SLC5A3: variants seen among roughly 807,000 people sequenced by gnomAD.
SLC5A3 encodes solute carrier family 5 member 3, also known as sodium/myo-inositol cotransporter.
In SLC5A3, 10 loss-of-function variants were observed where a neutral mutation model predicts 43.2. The observed-to-expected ratio is 0.23, with a 90% CI of 0.14 to 0.39. The LOEUF is 0.39. Among genes scored for constraint, SLC5A3 ranks in the 10% least tolerant of loss-of-function variants. SLC5A3 has a pLI of 1.00. For synonymous variants in SLC5A3, 349 were observed against 322.0 expected, an observed-to-expected ratio of 1.08 and a Z score of -0.90; for missense variants, 608 against 893.4, an observed-to-expected ratio of 0.68 and a Z score of 4.07.
chr21:34,074,038 C>T (rs1383989166), intron 1 of SLC5A3, among the ~76,000 whole-genome samples: 2 of 145,952 alleles, frequency 1.4e-5, no homozygotes, highest in Non-Finnish European at 3.0e-5. Flanking sequence ...CGAGCGGGCC[C>T]CGACCCCGAT....
rs1979228101 is a variant in SLC5A3, at chr21:34,101,325, T to C, written c.*3970T>C. The C allele has an allele frequency of 3.0e-6, 3 of 1,000,242 alleles. No individual in the cohort carries two copies. Among genetic ancestry groups the C allele is most frequent in the Non-Finnish European group, 3.6e-6 (3 of 829,958 alleles). The allele number at this position is 1,000,242 out of a possible 1,614,324, so 62.0% of individuals were successfully genotyped here. A position where few individuals can be genotyped will look rare whatever the true frequency, so the allele number is the denominator to read the frequency against. On this transcript the variant is annotated 3_prime_UTR_variant, in exon 2 of 2. Coordinates refer to ENST00000381151, the MANE Select transcript of SLC5A3 (RefSeq NM_006933.7). ...GGGCACCAATAAATAAGTTTCAGCT[T>C]TTTAAACCCTGGTTTGATGTTAAGC...
chr21:34,075,764 AAC>A (rs1989315259), intron 1 of SLC5A3, among the ~76,000 whole-genome samples: 1 of 152,252 alleles, frequency 6.6e-6, no homozygotes, highest in African/African-American at 2.4e-5. Flanking sequence ...ATGTGGCACA[AAC>A]ACAAAGACTT....
At chr21:34,093,953 T>C (rs1457190429) in intron 1 of SLC5A3, among the ~76,000 whole-genome samples, 4 of 152,180 alleles carry the variant, frequency 2.6e-5, no homozygotes, top group Non-Finnish European at 4.4e-5. Context: ...CTGAAAACTT[T>C]TCTCCTCCTC....
rs1345987189 is a variant in SLC5A3 at position 34,098,444 on chromosome 21, C to T, written c.*1089C>T. ...TTTAATTCTGATATCTTATTGCATC[C>T]TTGATAAGTTTTTCCCTGATTTTTT... On this transcript the variant is annotated 3_prime_UTR_variant, in exon 2 of 2. Coordinates refer to ENST00000381151, the MANE Select transcript of SLC5A3 (RefSeq NM_006933.7). 2 of 999,684 alleles carry T rather than the reference C, an allele frequency of 2.0e-6. No individual in the cohort carries two copies. The highest frequency in any genetic ancestry group is 2.4e-6 in the Non-Finnish European group (2 of 829,768). The allele number at this position is 999,684 out of a possible 1,614,324, so 61.9% of individuals were successfully genotyped here.
rs769996523 is a variant in SLC5A3 at position 34,102,341 on chromosome 21, C to G, written c.*4986C>G. 1.0e-5 allele frequency: 10 copies of G among 999,284 alleles called. No individual in the cohort carries two copies. The highest frequency in any genetic ancestry group is 1.2e-5 in the Non-Finnish European group (10 of 829,328). The allele number at this position is 999,284 out of a possible 1,614,324, so 61.9% of individuals were successfully genotyped here. A position where few individuals can be genotyped will look rare whatever the true frequency, so the allele number is the denominator to read the frequency against. ...AATAAGGCTTTAAATTACTGATTCA[C>G]CTTTAAAGGAATGTTGTGAGAATTG... On this transcript the variant is annotated 3_prime_UTR_variant, in exon 2 of 2. Coordinates refer to ENST00000381151, the MANE Select transcript of SLC5A3 (RefSeq NM_006933.7).
intron 1 of SLC5A3, among the ~76,000 whole-genome samples, chr21:34,094,237 G>T (rs975248324): frequency 7.9e-5 from 12 of 152,090 alleles, no homozygotes; most frequent in Admixed American, 7.9e-4. Flanking sequence ...AGGGCAGGGG[G>T]CGTCTCACAA....
At chr21:34,091,016 G>A (rs1231716178) in intron 1 of SLC5A3, among the ~76,000 whole-genome samples, 1 of 18,928 alleles carries the variant, frequency 5.3e-5, no homozygotes, top group Non-Finnish European at 9.7e-5. Flanking sequence ...AAAAGTGATT[G>A]TAATTCAGGT....
At chr21:34,074,455 C>T (rs1989274334) in intron 1 of SLC5A3, among the ~76,000 whole-genome samples, 1 of 152,214 alleles carries the variant, frequency 6.6e-6, no homozygotes, top group African/African-American at 2.4e-5. Flanking sequence ...CTTTCTTCCC[C>T]CTGCTTTTGA....
chr21:34,089,486 T>TA (rs1978570454), intron 1 of SLC5A3, among the ~76,000 whole-genome samples: 2 of 152,172 alleles, frequency 1.3e-5, no homozygotes, highest in South Asian at 2.1e-4. Flanking sequence ...GAGATTTCTA[T>TA]AAAAAAATTC....
rs1221016564 is a variant in SLC5A3 at position 34,101,358 on chromosome 21, A to G, written c.*4003A>G. 2 of 1,000,182 alleles carry G rather than the reference A, an allele frequency of 2.0e-6. No individual in the cohort carries two copies. The highest frequency in any genetic ancestry group is 2.4e-6 in the Non-Finnish European group (2 of 829,922). The allele number at this position is 1,000,182 out of a possible 1,614,324, so 62.0% of individuals were successfully genotyped here. A position where few individuals can be genotyped will look rare whatever the true frequency, so the allele number is the denominator to read the frequency against. On this transcript the variant is annotated 3_prime_UTR_variant, in exon 2 of 2. Coordinates refer to ENST00000381151, the MANE Select transcript of SLC5A3 (RefSeq NM_006933.7). The stretch of plus-strand genomic sequence containing the variant: ...CCTGGTTTGATGTTAAGCATTATAA[A>G]GTACGAAGTTTGTTACCACAGTAGA...
At chr21:34,085,999 T>C (rs1183405710) in intron 1 of SLC5A3, among the ~76,000 whole-genome samples, 1 of 152,238 alleles carries the variant, frequency 6.6e-6, no homozygotes, top group Non-Finnish European at 1.5e-5. Flanking sequence ...TTGTCAAAAG[T>C]GTCTGTCTAC....
Position 34,097,915 on chromosome 21 carries a change from A to G in SLC5A3, c.*560A>G. 2.0e-6 allele frequency: 2 copies of G among 997,292 alleles called. No individual in the cohort carries two copies. Among genetic ancestry groups the G allele is most frequent in the Non-Finnish European group, 2.4e-6 (2 of 827,330 alleles). The allele number at this position is 997,292 out of a possible 1,614,324, so 61.8% of individuals were successfully genotyped here. A position where few individuals can be genotyped will look rare whatever the true frequency, so the allele number is the denominator to read the frequency against. On this transcript the variant is annotated 3_prime_UTR_variant, in exon 2 of 2. Transcript: ENST00000381151. ...ATGAGCCTACGGATTCTGATTTCCCAAAGAAAGAATGTTTTCCTGTAGGTA... is the reference window on the plus strand; with the variant it reads ...ATGAGCCTACGGATTCTGATTTCCCGAAGAAAGAATGTTTTCCTGTAGGTA...
At position 34,098,171 on chromosome 21, in the gene SLC5A3, G is replaced by C. The variant is rs527477842; in HGVS notation, c.*816G>C. The C allele has an allele frequency of 1.0e-6, 1 of 999,824 alleles. No individual in the cohort carries two copies. The highest frequency in any genetic ancestry group is 4.7e-5 in the South Asian group (1 of 21,278). 61.9% of individuals were successfully genotyped at this position (999,824 alleles called of 1,614,324 possible). A position where few individuals can be genotyped will look rare whatever the true frequency, so the allele number is the denominator to read the frequency against. On this transcript the variant is annotated 3_prime_UTR_variant, in exon 2 of 2. Coordinates refer to ENST00000381151, the MANE Select transcript of SLC5A3 (RefSeq NM_006933.7). ...CATATTAAGGTTGTTTATATAGTTT[G>C]GAAATGACCAGCCCCCTAAGCAGTG... is the stretch of plus-strand genomic sequence containing the variant.
chr21:34,104,592 A>G lies in SLC5A3; in HGVS notation c.*7237A>G. On this transcript the variant is annotated 3_prime_UTR_variant, in exon 2 of 2. Transcript: ENST00000381151. The stretch of plus-strand genomic sequence containing the variant: ...GTAGACTAATATGAGATGTTTTAGA[A>G]GAGTTAACCTGAACACTTTGAGGGA... The G allele has an allele frequency of 1.0e-6, 1 of 1,000,072 alleles. No individual in the cohort carries two copies. The highest frequency in any genetic ancestry group is 1.2e-6 in the Non-Finnish European group (1 of 829,860). The allele number at this position is 1,000,072 out of a possible 1,614,324, so 61.9% of individuals were successfully genotyped here.
Position 34,100,404 on chromosome 21 carries a change from C to A in SLC5A3, c.*3049C>A. ...AAACACTTGAGCCGATTTCTTCTTC[C>A]CCAGCTATTCTTTCCTGGGGGTAAT... On this transcript the variant is annotated 3_prime_UTR_variant, in exon 2 of 2. Coordinates refer to ENST00000381151, the MANE Select transcript of SLC5A3 (RefSeq NM_006933.7). 3.0e-6 allele frequency: 3 copies of A among 1,000,134 alleles called. No homozygotes were observed. The highest frequency in any genetic ancestry group is 2.4e-6 in the Non-Finnish European group (2 of 829,960). The allele number at this position is 1,000,134 out of a possible 1,614,324, so 62.0% of individuals were successfully genotyped here.
In SLC5A3 at chr21:34,101,076, C is replaced by A. The variant is rs1602936416; in HGVS notation, c.*3721C>A. ...TAGAGAGATGTATACAAGACCTTTC[C>A]TGTTAAATTACGTGACTACAGAGAC... is the stretch of plus-strand genomic sequence containing the variant. On this transcript the variant is annotated 3_prime_UTR_variant, in exon 2 of 2. Transcript: ENST00000381151. The A allele has an allele frequency of 1.0e-6, 1 of 1,000,088 alleles. No homozygotes were observed. The highest frequency in any genetic ancestry group is 1.2e-6 in the Non-Finnish European group (1 of 829,936). 62.0% of individuals were successfully genotyped at this position (1,000,088 alleles called of 1,614,324 possible).
intron 1 of SLC5A3, among the ~76,000 whole-genome samples, chr21:34,078,934 AAC>A (rs1226653873): frequency 6.6e-6 from 1 of 152,240 alleles, no homozygotes; most frequent in Non-Finnish European, 1.5e-5. Context: ...ACGTGTTATC[AAC>A]ACATGTAGTT....
intron 1 of SLC5A3, among the ~76,000 whole-genome samples, chr21:34,074,062 C>T (rs1989259222): frequency 6.8e-6 from 1 of 147,726 alleles, no homozygotes; most frequent in African/African-American, 2.4e-5. Flanking sequence ...GGCGCCGGCC[C>T]GCGGGAGTCC....
chr21:34,080,391 C>T (rs759552843), intron 1 of SLC5A3, among the ~76,000 whole-genome samples: 3 of 152,080 alleles, frequency 2.0e-5, no homozygotes, highest in African/African-American at 4.8e-5. Context: ...TTTATATGCC[C>T]AGTAAACAAA....
Sources: gnomAD v4.1 joint callset for allele counts (sites outside exome capture counted in the v4.1 genomes callset) on GRCh38, gnomAD v4.1.1 for gene constraint, MANE v1.5 for transcripts, NCBI Gene and HGNC (gene_info 2026-07-23, HGNC 2026-07-21) for gene names.